DPP10: variants seen among roughly 807,000 people sequenced by gnomAD.
DPP10 encodes the protein dipeptidyl peptidase like 10.
A neutral mutation model predicts 120.9 loss-of-function variants in DPP10; 33 were observed. The observed-to-expected ratio is 0.27, with a 90% CI of 0.21 to 0.37. The LOEUF is 0.37. Among genes scored for constraint, DPP10 ranks in the 10% least tolerant of loss-of-function variants. The pLI, the probability that DPP10 is intolerant of heterozygous loss-of-function variation, is 1.00. For missense variants in DPP10, 816 were observed against 942.8 expected (o/e 0.87, Z 1.76); for synonymous variants, 337 against 326.1 (o/e 1.03, Z -0.36).
chr2:115,803,480 T>G lies in DPP10; in HGVS notation c.1701-11313T>G, dbSNP rs533300754. ...TGAATTTGATCCTGTCATTATGATG[T>G]TAGCTGGTTATTTTGCTCATTAGTT... On this transcript the variant is annotated intron_variant, in intron 19 of 25. Transcript: ENST00000410059. Among the ~76,000 whole-genome samples the G allele has an allele frequency of 2.6e-5, 4 of 152,342 alleles. No individual in the cohort carries two copies. In the East Asian group the frequency reaches 7.7e-4, roughly 29 times the overall value.
intron 1 of DPP10, among the ~76,000 whole-genome samples, chr2:114,535,927 G>A (rs1167160698): frequency 6.6e-6 from 1 of 152,088 alleles, no homozygotes; most frequent in African/African-American, 2.4e-5. Context: ...GTGTATCCAT[G>A]GCAGACTCCA....
intron 2 of DPP10, among the ~76,000 whole-genome samples, chr2:115,341,360 C>A (rs1217954115): frequency 6.6e-6 from 1 of 151,916 alleles, no homozygotes; most frequent in Non-Finnish European, 1.5e-5. Context: ...TCCCCCTGAC[C>A]CCCCTGTGCC....
At chr2:115,594,534 C>T (rs771288299) in intron 5 of DPP10, among the ~76,000 whole-genome samples, 19 of 152,202 alleles carry the variant, frequency 1.2e-4, no homozygotes, top group Admixed American at 3.3e-4. Flanking sequence ...CTGTTCTTCC[C>T]GATATTACAC....
chr2:115,194,167 C>T (rs112930940), intron 1 of DPP10, among the ~76,000 whole-genome samples: 4,217 of 151,782 alleles, frequency 0.028, 197 homozygotes, highest in African/African-American at 0.096. Context: ...TTAGCAAAGC[C>T]GTTGCTGCTA....
chr2:115,610,455 G>A (rs1214291637), intron 5 of DPP10, among the ~76,000 whole-genome samples: 11 of 74,874 alleles, frequency 1.5e-4, no homozygotes, highest in South Asian at 6.9e-4. Flanking sequence ...GGATGATATG[G>A]GCCAGCTTGA....
intron 5 of DPP10, among the ~76,000 whole-genome samples, chr2:115,621,589 G>A (rs531381884): frequency 6.6e-6 from 1 of 152,204 alleles, no homozygotes; most frequent in Admixed American, 6.5e-5. Context: ...ACATAACTCC[G>A]AGGTGTATTT....
At chr2:115,586,239 A>G (rs6718135) in intron 5 of DPP10, among the ~76,000 whole-genome samples, 12,377 of 152,208 alleles carry the variant, frequency 0.081, 535 homozygotes, top group South Asian at 0.13. Context: ...AGGCAGGAGA[A>G]TTGTTTGAAC....
At chr2:114,941,347 G>A (rs1696881889) in intron 1 of DPP10, among the ~76,000 whole-genome samples, 1 of 151,988 alleles carries the variant, frequency 6.6e-6, no homozygotes, top group African/African-American at 2.4e-5. Context: ...CTTCTCAATT[G>A]GATACCATTC....
At chr2:114,760,255 C>T (rs998937815) in intron 1 of DPP10, among the ~76,000 whole-genome samples, 3 of 152,142 alleles carry the variant, frequency 2.0e-5, no homozygotes, top group African/African-American at 4.8e-5. Flanking sequence ...GGCATCCTTC[C>T]TCTGAGAACC....
At chr2:115,755,060 C>T (rs1309998508) in intron 11 of DPP10, among the ~76,000 whole-genome samples, 1 of 152,040 alleles carries the variant, frequency 6.6e-6, no homozygotes, top group African/African-American at 2.4e-5. Flanking sequence ...TGATATAAAA[C>T]ATCCCTATTA....
intron 1 of DPP10, among the ~76,000 whole-genome samples, chr2:114,656,020 G>T (rs921675876): frequency 6.6e-6 from 1 of 152,128 alleles, no homozygotes; most frequent in Non-Finnish European, 1.5e-5. Context: ...TTCCTAAGGT[G>T]AATTGACTAC....
chr2:115,463,121 C>G (rs1018950107), intron 3 of DPP10, among the ~76,000 whole-genome samples: 5 of 152,164 alleles, frequency 3.3e-5, no homozygotes, highest in Non-Finnish European at 7.3e-5. Flanking sequence ...CCAGTGTCAA[C>G]TGCATTTGGA....
chr2:115,458,643 C>T (rs1246304159), intron 3 of DPP10, among the ~76,000 whole-genome samples: 1 of 151,950 alleles, frequency 6.6e-6, no homozygotes, highest in African/African-American at 2.4e-5. Flanking sequence ...GATATATATA[C>T]ACACACACAT....
At chr2:115,082,470 A>G (rs1252943975) in intron 1 of DPP10, among the ~76,000 whole-genome samples, 1 of 152,226 alleles carries the variant, frequency 6.6e-6, no homozygotes, top group Non-Finnish European at 1.5e-5. Flanking sequence ...GACTGCAAAA[A>G]TGGCAACTTG....
At chr2:114,917,519 A>G (rs1008175653) in intron 1 of DPP10, among the ~76,000 whole-genome samples, 1 of 151,986 alleles carries the variant, frequency 6.6e-6, no homozygotes, top group Non-Finnish European at 1.5e-5. Context: ...AATCCTCAGC[A>G]CAAAAAAAAA....
chr2:115,332,003 C>T (rs974732925), intron 2 of DPP10, among the ~76,000 whole-genome samples: 1 of 152,088 alleles, frequency 6.6e-6, no homozygotes, highest in Non-Finnish European at 1.5e-5. Flanking sequence ...GGAATGGTAC[C>T]AGCTTCTCCT....
At chr2:114,815,428 TG>T (rs1685562095) in intron 1 of DPP10, among the ~76,000 whole-genome samples, 1 of 152,152 alleles carries the variant, frequency 6.6e-6, no homozygotes, top group Non-Finnish European at 1.5e-5. Flanking sequence ...GTCATCAAAC[TG>T]AAACTTTCCA....
intron 1 of DPP10, among the ~76,000 whole-genome samples, chr2:114,883,345 T>C (rs1466613142): frequency 2.6e-5 from 4 of 152,090 alleles, no homozygotes; most frequent in Non-Finnish European, 5.9e-5. Flanking sequence ...ACTCAACAAG[T>C]GTTTGTTGAT....
chr2:115,634,445 T>C (rs961996882), intron 5 of DPP10, among the ~76,000 whole-genome samples: 13 of 152,330 alleles, frequency 8.5e-5, no homozygotes, highest in African/African-American at 2.9e-4. Context: ...TTTATTTTTC[T>C]TTTAAGAGTC....
Sources: gnomAD v4.1 joint callset for allele counts (sites outside exome capture counted in the v4.1 genomes callset) on GRCh38, gnomAD v4.1.1 for gene constraint, MANE v1.5 for transcripts, NCBI Gene and HGNC (gene_info 2026-07-23, HGNC 2026-07-21) for gene names.